PHF8: variants seen among roughly 807,000 people sequenced by gnomAD.
The protein encoded by PHF8 is histone lysine demethylase PHF8.
In PHF8, 9 loss-of-function variants were observed where a neutral mutation model predicts 74.4. The ratio of observed to expected loss-of-function variants is 0.12; its 90% CI spans 0.07 to 0.21. The LOEUF (loss-of-function observed/expected upper bound fraction) is 0.21, where lower values mean the gene tolerates loss of function less well. Ranked by LOEUF, PHF8 falls within the 10% of genes least tolerant of loss-of-function variation. The pLI, the probability that PHF8 is intolerant of heterozygous loss-of-function variation, is 1.00. For synonymous variants in PHF8, 311 were observed against 316.6 expected (o/e 0.98, Z 0.19); for missense variants, 478 against 816.6 (o/e 0.59, Z 5.05).
chrX:54,025,364 C>T (rs2146466948), intron 2 of PHF8, among the ~76,000 whole-genome samples: 1 of 110,109 alleles, frequency 9.1e-6, no homozygotes, highest in East Asian at 2.9e-4. Flanking sequence ...GGGTAGCCAT[C>T]CCTCTCACTC....
In PHF8 at chrX:53,938,137, A is replaced by T; in HGVS notation, c.*1021T>A. 8.8e-7 allele frequency: 1 copy of T among 1,137,822 alleles called. No homozygotes were observed. The highest frequency in any genetic ancestry group is 2.7e-5 in the Admixed American group (1 of 36,442). 93.8% of individuals were successfully genotyped at this position (1,137,822 alleles called of 1,213,427 possible). ...GACCAAGACCTCAGGTGGAGAAAGA[A>T]GCATGAAAAGTTCCCGATGGAGGAC... On this transcript the variant is annotated 3_prime_UTR_variant, in exon 22 of 22. Transcript: ENST00000338154.
intron 2 of PHF8, 30 bp downstream of exon 2, chrX:54,042,601 A>G (rs782338015): frequency 6.0e-6 from 7 of 1,165,269 alleles, no homozygotes; most frequent in Non-Finnish European, 8.2e-6. Context: ...TGGCCACCGC[A>G]CCCTGTGTAG....
intron 19 of PHF8, among the ~76,000 whole-genome samples, chrX:53,951,268 A>G (rs2064919467): frequency 8.9e-6 from 1 of 112,229 alleles, no homozygotes; most frequent in Non-Finnish European, 1.9e-5. Context: ...TGATGAGCAC[A>G]CATAAAAAGA....
rs2064704040 is a variant in PHF8, at chrX:53,938,743, T to C, written c.*415A>G. 1.3e-6 allele frequency: 1 copy of C among 764,623 alleles called. No homozygotes were observed. Among genetic ancestry groups the C allele is most frequent in the African/African-American group, 2.3e-5 (1 of 43,529 alleles). 63.0% of individuals were successfully genotyped at this position (764,623 alleles called of 1,213,427 possible). ...GTGGAGGTGGGCAGGCTTCTGGATATAGGGCTAGAGTTGCAGAAAGTGTCA... is the reference window on the plus strand; with the variant it reads ...GTGGAGGTGGGCAGGCTTCTGGATACAGGGCTAGAGTTGCAGAAAGTGTCA... On this transcript the variant is annotated 3_prime_UTR_variant, in exon 22 of 22. Coordinates refer to ENST00000338154, the MANE Select transcript of PHF8 (RefSeq NM_015107.3).
chrX:53,945,301 C>T (rs1160213149), intron 19 of PHF8, among the ~76,000 whole-genome samples: 7 of 104,330 alleles, frequency 6.7e-5, no homozygotes, highest in Non-Finnish European at 1.4e-4. Flanking sequence ...GCTGAGATTG[C>T]GCCATTGCAC....
At chrX:53,996,826 C>T (rs782244638) in intron 11 of PHF8, among the ~76,000 whole-genome samples, 215 of 112,230 alleles carry the variant, frequency 1.9e-3, no homozygotes, top group Non-Finnish European at 3.1e-3. Flanking sequence ...GGATTACGGG[C>T]GTGAGCCACT....
chrX:53,943,451 T>C (rs1366282065), intron 20 of PHF8: 5 of 1,052,150 alleles, frequency 4.8e-6, no homozygotes, highest in Non-Finnish European at 6.3e-6. Context: ...ATTGGGCAGA[T>C]AGATTACATT....
chrX:53,985,111 C>G lies in PHF8; in HGVS notation c.2246G>C (p.Gly749Ala). The change falls in exon 18 of 22, where the codon GGG becomes GCG. Residue 749 changes from glycine to alanine, a missense_variant. By Grantham distance (60) the Gly-to-Ala change is moderately conservative (BLOSUM62 0). Around this residue, in one of 9 missense-constraint regions of PHF8, gnomAD observed 51 missense variants for 45.8 expected, o/e 1.11. Coordinates refer to ENST00000338154, the MANE Select transcript of PHF8 (RefSeq NM_015107.3). ...ATSSLQAWWT[G>A]GQDRSSGSSS... ...GCTCCCACTGCTTCGATCCTGTCCC[C>G]CAGTCCACCAGGCCTGCAGGCTAGA... The G allele has an allele frequency of 2.5e-6, 3 of 1,209,944 alleles. No homozygotes were observed. Among genetic ancestry groups the G allele is most frequent in the African/African-American group, 1.7e-5 (1 of 57,815 alleles).
chrX:54,037,234 A>ATT (rs1335951115), intron 2 of PHF8, among the ~76,000 whole-genome samples: 1 of 111,152 alleles, frequency 9.0e-6, no homozygotes, highest in Non-Finnish European at 1.9e-5. Context: ...ACGAAGACAA[A>ATT]TTTTTTTTGT....
At position 53,969,012 on chromosome X, in the gene PHF8, A is replaced by G. The variant is rs183351461; in HGVS notation, c.2444-6073T>C. Among the ~76,000 whole-genome samples, 78 of 112,071 alleles carry G rather than the reference A, an allele frequency of 7.0e-4. 1 individual carries two copies. In the Admixed American group the frequency reaches 7.2e-3, roughly 10 times the overall value. The stretch of plus-strand genomic sequence containing the variant: ...CACTTTGGGAGGCTGAGACGGGCAG[A>G]TAGCTTGAGCTCAGGAGTTTGAGAC... On this transcript the variant is annotated intron_variant, in intron 18 of 21. Coordinates refer to ENST00000338154, the MANE Select transcript of PHF8 (RefSeq NM_015107.3).
intron 11 of PHF8, among the ~76,000 whole-genome samples, chrX:53,998,315 GTGGTGGCACA>G (rs1267996418): frequency 9.1e-6 from 1 of 110,391 alleles, no homozygotes; most frequent in East Asian, 2.8e-4. Flanking sequence ...TTAGCCAGGC[GTGGTGGCACA>G]TGCCTGTAAT....
chrX:53,943,338 G>C (rs1557084115), intron 20 of PHF8: 4 of 845,954 alleles, frequency 4.7e-6, no homozygotes, highest in Non-Finnish European at 6.8e-6. Flanking sequence ...ATGAGTTTGA[G>C]TTGTCTCCTC....
chrX:53,939,351 C>A, intron 21 of PHF8, 105 bp from the exon 22 acceptor site: 3 of 625,344 alleles, frequency 4.8e-6, no homozygotes, highest in Non-Finnish European at 7.6e-6. Flanking sequence ...TCTCTACCCA[C>A]AAAGTTTCTC....
chrX:54,027,338 T>C (rs781820948), intron 2 of PHF8, among the ~76,000 whole-genome samples: 15 of 110,986 alleles, frequency 1.4e-4, no homozygotes, highest in Non-Finnish European at 2.1e-4. Flanking sequence ...CCTACGAAGC[T>C]TGATAATGAC....
At chrX:53,959,734 C>T (rs781823235) in intron 19 of PHF8, among the ~76,000 whole-genome samples, 347 of 107,516 alleles carry the variant, frequency 3.2e-3, no homozygotes, top group Middle Eastern at 4.8e-3. Flanking sequence ...TGCAGTGATG[C>T]GCGCCTATAG....
chrX:53,949,609 A>G (rs184051170), intron 19 of PHF8, among the ~76,000 whole-genome samples: 18 of 109,525 alleles, frequency 1.6e-4, no homozygotes, highest in Admixed American at 5.9e-4. Flanking sequence ...TCAGGAGATC[A>G]AGACCATCCT....
At chrX:53,998,416 T>C (rs1194051193) in intron 11 of PHF8, among the ~76,000 whole-genome samples, 4 of 111,195 alleles carry the variant, frequency 3.6e-5, no homozygotes, top group African/African-American at 1.3e-4. Flanking sequence ...ATCGTGCCAC[T>C]GCACTCCAGC....
intron 11 of PHF8, among the ~76,000 whole-genome samples, chrX:53,998,203 C>T (rs1557103410): frequency 2.7e-5 from 3 of 111,879 alleles, no homozygotes; most frequent in Admixed American, 9.6e-5. Flanking sequence ...CCTGTAATCC[C>T]AGCACTTTGG....
chrX:53,998,479 A>G lies in PHF8; in HGVS notation c.1233+1391T>C, dbSNP rs781978580. 8.2e-5 allele frequency among the ~76,000 whole-genome samples: 9 copies of G among 109,562 alleles called. No homozygotes were observed. In the East Asian group the frequency reaches 2.6e-3, roughly 31 times the overall value. On this transcript the variant is annotated intron_variant, in intron 11 of 21. Transcript: ENST00000338154. ...ATAAATAAATAAATAAAATAAAATAAAATAAAATAAAATGATATTGAAAAG... is the reference window on the plus strand; with the variant it reads ...ATAAATAAATAAATAAAATAAAATAGAATAAAATAAAATGATATTGAAAAG...
Sources: allele counts gnomAD v4.1 joint callset (sites outside exome capture counted in the v4.1 genomes callset), GRCh38; gene constraint gnomAD v4.1.1; regional missense constraint gnomAD v4.1.1; transcripts MANE v1.5; gene names NCBI Gene and HGNC (gene_info 2026-07-23, HGNC 2026-07-21).